The following PRTG variants were observed in gnomAD, a reference collection of about 807,000 sequenced individuals.
PRTG encodes protogenin, also known as immunoglobulin superfamily, DCC subclass, member 5.
Under a neutral mutation model 122.5 loss-of-function variants are expected in PRTG, and 67 were observed. That is an observed-to-expected ratio of 0.55 (90% CI 0.45 to 0.67). The LOEUF (loss-of-function observed/expected upper bound fraction) is 0.67. Among genes scored for constraint, PRTG ranks in the 30% least tolerant of loss-of-function variants. The pLI is 0.00. For missense variants in PRTG, 1,435 were observed against 1,415.4 expected (o/e 1.01, Z -0.22); for synonymous variants, 554 against 501.1 (o/e 1.11, Z -1.41).
At chr15:55,624,320 A>G (rs531713782) in intron 18 of PRTG, 22 bp downstream of exon 18, 39 of 1,608,968 alleles carry the variant, frequency 2.4e-5, no homozygotes, top group Non-Finnish European at 3.2e-5. Context: ...CGGCTTATGC[A>G]GCAAATCCCG....
intron 2 of PRTG, among the ~76,000 whole-genome samples, chr15:55,722,915 AGGACCCTGGAATAC>A (rs2141871184): frequency 1.3e-5 from 2 of 152,348 alleles, no homozygotes; most frequent in East Asian, 3.9e-4. Flanking sequence ...ACCTGAAGCT[AGGACCCTGGAATAC>A]GTGGAGAAAA....
intron 11 of PRTG, 40 bp from the exon 12 acceptor site, chr15:55,641,248 C>A: frequency 6.9e-7 from 1 of 1,447,522 alleles, no homozygotes; most frequent in Non-Finnish European, 9.7e-7. Context: ...GACCAGGTCT[C>A]TAGATCTGAG....
intron 11 of PRTG, among the ~76,000 whole-genome samples, chr15:55,644,307 C>T (rs2059308581): frequency 6.6e-6 from 1 of 152,124 alleles, no homozygotes; most frequent in African/African-American, 2.4e-5. Context: ...GATATGAATA[C>T]AGCTATTTCA....
intron 2 of PRTG, among the ~76,000 whole-genome samples, chr15:55,719,301 T>C (rs1040699923): frequency 4.6e-5 from 7 of 152,208 alleles, no homozygotes; most frequent in African/African-American, 1.4e-4. Context: ...ACTGGCAAAG[T>C]TGATATTAGA....
At chr15:55,720,144 C>T (rs558486916) in intron 2 of PRTG, among the ~76,000 whole-genome samples, 2 of 151,708 alleles carry the variant, frequency 1.3e-5, no homozygotes, top group South Asian at 2.1e-4. Context: ...TTTGGGAGGC[C>T]GAGGCAGGCG....
At position 55,740,682 on chromosome 15, in the gene PRTG, C is replaced by A. The variant is rs1467436189; in HGVS notation, c.97G>T (p.Val33Leu). The part of the protein sequence containing the change: ...LLLLLSPLPG[V>L]WCFSELSFVK... ...AAAGACAGTTCGCTAAAGCACCACA[C>A]TCCTATAAGGAAAAAAAAGGAGAAC... The change falls in exon 2 of 20, where the codon GTG (valine) becomes TTG (leucine). Residue 33 changes from valine to leucine, a missense_variant and splice_region_variant. Transcript: ENST00000389286. 3.1e-6 allele frequency: 5 copies of A among 1,606,432 alleles called. No individual in the cohort carries two copies. The highest frequency in any genetic ancestry group is 2.7e-5 in the African/African-American group (2 of 74,264).
At chr15:55,691,606 G>A (rs970426655) in intron 2 of PRTG, among the ~76,000 whole-genome samples, 3 of 151,360 alleles carry the variant, frequency 2.0e-5, no homozygotes, top group African/African-American at 4.9e-5. Context: ...GCCTGAACCC[G>A]GGAGGCGGAG....
chr15:55,713,004 C>T (rs905062083), intron 2 of PRTG, among the ~76,000 whole-genome samples: 6 of 152,110 alleles, frequency 3.9e-5, no homozygotes, highest in African/African-American at 1.4e-4. Context: ...AATAGCACTT[C>T]GCAATATTTG....
rs1360001720 is a variant in PRTG, at chr15:55,618,811, G to C, written c.*1201C>G. The C allele has an allele frequency of 6.6e-6, 1 of 152,048 alleles. No individual in the cohort carries two copies. Among genetic ancestry groups the C allele is most frequent in the East Asian group, 1.9e-4 (1 of 5,188 alleles). The allele number at this position is 152,048 out of a possible 1,614,324, so 9.4% of individuals were successfully genotyped here. The stretch of plus-strand genomic sequence containing the variant: ...CAAGAAACTCTTAAGGCAACTTTTT[G>C]TACTCCTGTTCCTAAACAATTTCAT... On this transcript the variant is annotated 3_prime_UTR_variant, in exon 20 of 20. Coordinates refer to ENST00000389286, the MANE Select transcript of PRTG (RefSeq NM_173814.6).
intron 2 of PRTG, among the ~76,000 whole-genome samples, chr15:55,711,045 T>TACA (rs1191163797): frequency 6.6e-6 from 1 of 151,742 alleles, no homozygotes; most frequent in African/African-American, 2.4e-5. Flanking sequence ...TAGCTGGGAT[T>TACA]ACAGGCGCCT....
rs2059511175 is a variant in PRTG at position 55,677,809 on chromosome 15, T to C, written c.1369A>G (p.Met457Val). Residue 457 changes from methionine (M) to valine (V), a missense_variant, in exon 8 of 20, where the codon ATG (methionine) becomes GTG (valine). By Grantham distance (21) the Met-to-Val change is conservative (BLOSUM62 1). Transcript: ENST00000389286. ...TAAAATCGCTTACCTTCTGCTTTCA[T>C]GTAGTGTACAGAATAGGCAATGACT... The part of the protein sequence containing the change: ...DKVIAYSVHY[M>V]KAEGLNNEEY... 1 of 1,613,720 alleles carries C rather than the reference T, an allele frequency of 6.2e-7. No individual in the cohort carries two copies. Among genetic ancestry groups the C allele is most frequent in the East Asian group, 2.2e-5 (1 of 44,866 alleles).
At chr15:55,702,996 T>C (rs139255902) in intron 2 of PRTG, 8 of 865,394 alleles carry the variant, frequency 9.2e-6, no homozygotes, top group East Asian at 1.2e-4. Context: ...ATATTCAACA[T>C]AGCACAGAAT....
intron 2 of PRTG, among the ~76,000 whole-genome samples, chr15:55,705,956 C>T (rs1413697939): frequency 6.7e-5 from 10 of 149,026 alleles, no homozygotes; most frequent in African/African-American, 2.5e-4. Context: ...CAAGCGATTC[C>T]CCTGCCTCAG....
chr15:55,661,903 A>T (rs1053194148), intron 11 of PRTG, among the ~76,000 whole-genome samples: 12 of 152,196 alleles, frequency 7.9e-5, no homozygotes, highest in African/African-American at 2.9e-4. Context: ...CTTAAAAAAA[A>T]AAAAAAGAGG....
At position 55,706,014 on chromosome 15, in the gene PRTG, ATTTTTTTT is replaced by A. The variant is rs56275705; in HGVS notation, c.398-22091_398-22084del. ...ATGCGCATGCCACCATGCCCAGCTA[ATTTTTTTT>A]TTTTTTTTTTTGTATTTTTAGTAGA... On this transcript the variant is annotated intron_variant, in intron 2 of 19. Coordinates refer to ENST00000389286, the MANE Select transcript of PRTG (RefSeq NM_173814.6). 1.8e-4 allele frequency among the ~76,000 whole-genome samples: 17 copies of A among 94,360 alleles called. No homozygotes were observed. In the South Asian group the frequency reaches 5.0e-3, roughly 28 times the overall value. 61.9% of individuals were successfully genotyped at this position (94,360 alleles called of 152,430 possible). A position where few individuals can be genotyped will look rare whatever the true frequency, so the allele number is the denominator to read the frequency against.
At chr15:55,740,323 A>C in intron 2 of PRTG, 59 bp downstream of exon 2, 1 of 1,453,120 alleles carries the variant, frequency 6.9e-7, no homozygotes, top group Non-Finnish European at 9.3e-7. Flanking sequence ...TTAATAAAGC[A>C]AGAAATCATC....
chr15:55,723,059 G>C (rs1370118116), intron 2 of PRTG, among the ~76,000 whole-genome samples: 1 of 152,120 alleles, frequency 6.6e-6, no homozygotes, highest in East Asian at 1.9e-4. Context: ...CACTTGTGAG[G>C]ATGCTACATT....
chr15:55,686,315 T>G (rs1312155111), intron 2 of PRTG, among the ~76,000 whole-genome samples: 1 of 152,122 alleles, frequency 6.6e-6, no homozygotes, highest in Non-Finnish European at 1.5e-5. Flanking sequence ...GATAATCCAG[T>G]CCATATTCAA....
chr15:55,689,822 G>T (rs1345542016), intron 2 of PRTG, among the ~76,000 whole-genome samples: 1 of 151,946 alleles, frequency 6.6e-6, no homozygotes, highest in Admixed American at 6.6e-5. Flanking sequence ...CAGCTGCTGG[G>T]GAGGCTGAGG....
Sources: gnomAD v4.1 joint callset for allele counts (sites outside exome capture counted in the v4.1 genomes callset) on GRCh38, gnomAD v4.1.1 for gene constraint, MANE v1.5 for transcripts, NCBI Gene and HGNC (gene_info 2026-07-23, HGNC 2026-07-21) for gene names.